BACH2: variants seen among roughly 807,000 people sequenced by gnomAD.
BACH2 encodes the protein transcription regulator protein BACH2.
Under a neutral mutation model 61.8 loss-of-function variants are expected in BACH2, and 5 were observed. The ratio of observed to expected loss-of-function variants is 0.08; its 90% CI spans 0.04 to 0.17. The LOEUF (loss-of-function observed/expected upper bound fraction) is 0.17, where lower values mean the gene tolerates loss of function less well. Ranked by LOEUF, BACH2 falls within the 10% of genes least tolerant of loss-of-function variation. BACH2 has a pLI of 1.00. For synonymous variants in BACH2, 446 were observed against 440.1 expected (o/e 1.01, Z -0.17); for missense variants, 824 against 1,091.1 (o/e 0.76, Z 3.45).
intron 5 of BACH2, among the ~76,000 whole-genome samples, chr6:90,018,030 A>G (rs1778161071): frequency 6.6e-6 from 1 of 152,206 alleles, no homozygotes; most frequent in Non-Finnish European, 1.5e-5. Context: ...CATTTAGTCT[A>G]GGGTTCATTA....
At chr6:90,134,639 T>C (rs1404791276) in intron 4 of BACH2, among the ~76,000 whole-genome samples, 1 of 152,176 alleles carries the variant, frequency 6.6e-6, no homozygotes, top group East Asian at 1.9e-4. Flanking sequence ...ATGGTGACCA[T>C]CTCCAGAATG....
In BACH2 at chr6:89,951,538, T is replaced by C. The variant is rs934423773; in HGVS notation, c.568A>G (p.Ile190Val). The change falls in exon 7 of 9, where the codon ATC (isoleucine) becomes GTC (valine). Residue 190 changes from isoleucine to valine, a missense_variant. By Grantham distance (29) the Ile-to-Val change is conservative. Coordinates refer to ENST00000257749, the MANE Select transcript of BACH2 (RefSeq NM_021813.4). The surrounding 1 kb of genome is among the most constrained non-coding windows in gnomAD (Gnocchi z 6.4). Reference sequence around the variant, plus strand: ...GGGATGGCGGCGGCCTCAAAGCTGATGGGCTCTGGAAGCATCTGGTCCCTG... The same window carrying C: ...GGGATGGCGGCGGCCTCAAAGCTGACGGGCTCTGGAAGCATCTGGTCCCTG... Reference protein sequence around the residue: ...CPRDQMLPEPISFEAAAIPVA... With the variant: ...CPRDQMLPEPVSFEAAAIPVA... 1 of 1,614,230 alleles carries C rather than the reference T, an allele frequency of 6.2e-7. No individual in the cohort carries two copies.
chr6:90,236,019 G>A (rs1057367452), intron 3 of BACH2, among the ~76,000 whole-genome samples: 1 of 152,236 alleles, frequency 6.6e-6, no homozygotes, highest in Non-Finnish European at 1.5e-5. Context: ...CCAGGGCTAT[G>A]CCCTTATGGG....
chr6:90,059,093 G>A (rs1183684291), intron 5 of BACH2, among the ~76,000 whole-genome samples: 2 of 152,286 alleles, frequency 1.3e-5, no homozygotes, highest in African/African-American at 4.8e-5. Flanking sequence ...AACACCAAAA[G>A]CAATGGCAAC....
chr6:90,058,960 T>C (rs1780529443), intron 5 of BACH2, among the ~76,000 whole-genome samples: 1 of 152,198 alleles, frequency 6.6e-6, no homozygotes, highest in Non-Finnish European at 1.5e-5. Context: ...TTACACCTTA[T>C]ACAAAAATTA....
chr6:90,189,840 C>T (rs991841401), intron 4 of BACH2, among the ~76,000 whole-genome samples: 1 of 152,132 alleles, frequency 6.6e-6, no homozygotes, highest in African/African-American at 2.4e-5. Context: ...TCTGGCAGGA[C>T]AGTATGCTCT....
chr6:90,249,516 A>G (rs1283645433), intron 3 of BACH2, among the ~76,000 whole-genome samples: 1 of 152,212 alleles, frequency 6.6e-6, no homozygotes. Context: ...CATGCCTGTA[A>G]TGCCAGCACT....
chr6:90,295,401 G>C (rs2127896128), intron 1 of BACH2, among the ~76,000 whole-genome samples: 1 of 152,284 alleles, frequency 6.6e-6, no homozygotes, highest in South Asian at 2.1e-4. Flanking sequence ...CACGGTCCGA[G>C]TTCCTGCAAA....
chr6:90,052,345 T>G lies in BACH2; in HGVS notation c.-13+36616A>C, dbSNP rs376028616. Among the ~76,000 whole-genome samples, 260 of 152,278 alleles carry G rather than the reference T, an allele frequency of 1.7e-3. 2 individuals carry two copies. The highest frequency in any genetic ancestry group is 5.9e-3 in the African/African-American group (246 of 41,552). On this transcript the variant is annotated intron_variant, in intron 5 of 8. Transcript: ENST00000257749. Reference sequence around the variant, plus strand: ...ATATAGAAATGTTATACCTTTCCAGTGAATTAAAACCTTATCAATAGGTAG... The same window carrying G: ...ATATAGAAATGTTATACCTTTCCAGGGAATTAAAACCTTATCAATAGGTAG...
chr6:90,008,565 A>G lies in BACH2; in HGVS notation c.243+37T>C, dbSNP rs1179800390. On this transcript the variant is annotated intron_variant, in intron 6 of 8. Transcript: ENST00000257749. This position sits in a 1 kb window ranked among gnomAD's most constrained non-coding sequence, Gnocchi z 4.1. ...CAGCCAGTTTTCTGTAAGTCAATAAACATTCATTAACAATCACACAAACCA... is the reference window on the plus strand; with the variant it reads ...CAGCCAGTTTTCTGTAAGTCAATAAGCATTCATTAACAATCACACAAACCA... The G allele has an allele frequency of 6.2e-7, 1 of 1,609,656 alleles. No individual in the cohort carries two copies. The highest frequency in any genetic ancestry group is 1.7e-5 in the Admixed American group (1 of 59,972).
rs1411171817 is a variant in BACH2 at position 90,291,459 on chromosome 6, T to C, written c.-446+5021A>G. Among the ~76,000 whole-genome samples, 5 of 149,220 alleles carry C rather than the reference T, an allele frequency of 3.4e-5. No individual in the cohort carries two copies. The East Asian group carries it at 7.9e-4, about 24-fold the overall frequency. On this transcript the variant is annotated intron_variant, in intron 1 of 8. Coordinates refer to ENST00000257749, the MANE Select transcript of BACH2 (RefSeq NM_021813.4). Reference sequence around the variant, plus strand: ...TTACGGAAGCTGAGTAGCATGCTGATAGTAAAATTAAGTTTCAGTTTTAGA... The same window carrying C: ...TTACGGAAGCTGAGTAGCATGCTGACAGTAAAATTAAGTTTCAGTTTTAGA...
At chr6:90,252,638 GT>G (rs1034741423) in intron 2 of BACH2, 48 bp from the exon 3 acceptor site, 1 of 152,172 alleles carries the variant, frequency 6.6e-6, no homozygotes, top group Non-Finnish European at 1.5e-5. Context: ...CAGAAAGTCT[GT>G]ATTTGCCCAT....
At chr6:90,275,509 T>TGG (rs1771661466) in intron 1 of BACH2, among the ~76,000 whole-genome samples, 1 of 152,234 alleles carries the variant, frequency 6.6e-6, no homozygotes, top group African/African-American at 2.4e-5. Flanking sequence ...ATTATTTACT[T>TGG]AACTTTTACC....
chr6:90,188,423 C>T (rs574909604), intron 4 of BACH2, among the ~76,000 whole-genome samples: 4 of 152,024 alleles, frequency 2.6e-5, no homozygotes, highest in African/African-American at 9.6e-5. Flanking sequence ...TGCCACTGTT[C>T]CTTGAAATTC....
intron 3 of BACH2, among the ~76,000 whole-genome samples, chr6:90,252,079 G>A (rs1770830040): frequency 6.6e-6 from 1 of 152,196 alleles, no homozygotes; most frequent in Non-Finnish European, 1.5e-5. Flanking sequence ...GCAGCACTAT[G>A]TTGTAACAAA....
At chr6:90,030,552 A>G (rs1045841730) in intron 5 of BACH2, among the ~76,000 whole-genome samples, 1 of 152,176 alleles carries the variant, frequency 6.6e-6, no homozygotes, top group Non-Finnish European at 1.5e-5. Context: ...AATACAAACT[A>G]CCATCAGAGA....
chr6:90,074,481 A>G (rs899748313), intron 5 of BACH2, among the ~76,000 whole-genome samples: 1 of 152,168 alleles, frequency 6.6e-6, no homozygotes, highest in African/African-American at 2.4e-5. Flanking sequence ...ATGTAAGTGA[A>G]GTGCTCACAT....
intron 4 of BACH2, among the ~76,000 whole-genome samples, chr6:90,132,434 T>C (rs1784110298): frequency 6.6e-6 from 1 of 152,196 alleles, no homozygotes; most frequent in Admixed American, 6.5e-5. Flanking sequence ...TCCAGGCTCC[T>C]AGACTTGGAG....
intron 5 of BACH2, among the ~76,000 whole-genome samples, chr6:90,019,481 G>A (rs1778261970): frequency 6.6e-6 from 1 of 152,206 alleles, no homozygotes; most frequent in Middle Eastern, 3.2e-3. Context: ...TTAGGGGCCT[G>A]CTTCCATGTT....
Sources: gnomAD v4.1 joint callset for allele counts (sites outside exome capture counted in the v4.1 genomes callset) on GRCh38, gnomAD v4.1.1 for gene constraint, Gnocchi (gnomAD v3.1) non-coding constraint, MANE v1.5 for transcripts, NCBI Gene and HGNC (gene_info 2026-07-23, HGNC 2026-07-21) for gene names.